CYSTM1: variants seen among roughly 807,000 people sequenced by gnomAD.
CYSTM1 encodes cysteine-rich transmembrane module-containing protein 1.
Under a neutral mutation model 13.1 loss-of-function variants are expected in CYSTM1, and 4 were observed. That is an observed-to-expected ratio of 0.31 (90% CI 0.15 to 0.70). CYSTM1 has a LOEUF of 0.70. CYSTM1 is among the 30% of genes least tolerant of loss of function. The pLI, the probability that CYSTM1 is intolerant of heterozygous loss-of-function variation, is 0.72. For synonymous variants in CYSTM1, 36 were observed against 42.7 expected (o/e 0.84, Z 0.62); for missense variants, 96 against 121.6 (o/e 0.79, Z 0.99).
chr5:140,225,984 G>A (rs905454272), intron 2 of CYSTM1, among the ~76,000 whole-genome samples: 1 of 152,162 alleles, frequency 6.6e-6, no homozygotes, highest in African/African-American at 2.4e-5. Context: ...TATTTCTGAG[G>A]CTTCTTCCCA....
At chr5:140,236,013 A>C (rs1378774913) in intron 2 of CYSTM1, among the ~76,000 whole-genome samples, 6 of 152,160 alleles carry the variant, frequency 3.9e-5, no homozygotes, top group Non-Finnish European at 7.4e-5. Flanking sequence ...GTTTGTTTCT[A>C]AGGCTTGTCT....
chr5:140,177,633 A>T (rs1304615481), intron 1 of CYSTM1, among the ~76,000 whole-genome samples: 1 of 152,210 alleles, frequency 6.6e-6, no homozygotes, highest in African/African-American at 2.4e-5. Context: ...CGGGACTTCC[A>T]GTCAGATCAG....
intron 2 of CYSTM1, among the ~76,000 whole-genome samples, chr5:140,210,074 C>A (rs768367548): frequency 3.3e-4 from 50 of 152,174 alleles, no homozygotes; most frequent in Non-Finnish European, 6.5e-4. Context: ...TAATAATGCT[C>A]ATAAAAATTT....
chr5:140,198,294 T>G (rs1581062261), intron 2 of CYSTM1, among the ~76,000 whole-genome samples: 1 of 130,538 alleles, frequency 7.7e-6, no homozygotes, highest in African/African-American at 2.5e-5. Context: ...AAAACAACAA[T>G]GATTTATTAT....
chr5:140,237,740 G>A (rs1340789961), intron 2 of CYSTM1, among the ~76,000 whole-genome samples: 5 of 152,148 alleles, frequency 3.3e-5, no homozygotes, highest in Admixed American at 2.6e-4. Context: ...GTGTTATTGG[G>A]TCTACTGTTC....
intron 2 of CYSTM1, among the ~76,000 whole-genome samples, chr5:140,217,222 G>T (rs1287228293): frequency 1.3e-5 from 2 of 152,132 alleles, no homozygotes; most frequent in African/African-American, 4.8e-5. Context: ...AGATTATATT[G>T]TGAGTTCTTA....
At chr5:140,207,785 G>A (rs1764315599) in intron 2 of CYSTM1, among the ~76,000 whole-genome samples, 1 of 152,116 alleles carries the variant, frequency 6.6e-6, no homozygotes, top group South Asian at 2.1e-4. Flanking sequence ...TCCTCTCTTG[G>A]CTTAGTATAG....
At chr5:140,229,699 A>T (rs534678912) in intron 2 of CYSTM1, among the ~76,000 whole-genome samples, 1 of 151,602 alleles carries the variant, frequency 6.6e-6, no homozygotes, top group African/African-American at 2.4e-5. Flanking sequence ...TTATTTATGT[A>T]TTTATTTATT....
chr5:140,224,747 G>A (rs1049170357), intron 2 of CYSTM1, among the ~76,000 whole-genome samples: 6 of 151,234 alleles, frequency 4.0e-5, no homozygotes, highest in African/African-American at 9.7e-5. Context: ...TCTTGAACTC[G>A]TTAATTCAAG....
chr5:140,229,654 A>C (rs1359831523), intron 2 of CYSTM1, among the ~76,000 whole-genome samples: 1 of 113,108 alleles, frequency 8.8e-6, no homozygotes, highest in Non-Finnish European at 1.9e-5. Flanking sequence ...TTTAAGATAT[A>C]GTCGTTAGTC....
At chr5:140,177,865 G>A (rs933274452) in intron 1 of CYSTM1, among the ~76,000 whole-genome samples, 3 of 152,116 alleles carry the variant, frequency 2.0e-5, no homozygotes, top group African/African-American at 7.2e-5. Flanking sequence ...TATTTGAAGT[G>A]GCCAACTAAT....
rs1764624967 is a variant in CYSTM1, at chr5:140,232,159, G to T, written c.188-11146G>T. ...GGTGCCTGGTGGTGGTGTTTACAGA[G>T]GTTGGGAACAAGAGAAAGGAATCAT... On this transcript the variant is annotated intron_variant, in intron 2 of 2. Transcript: ENST00000261811. Among the ~76,000 whole-genome samples, 5 of 152,192 alleles carry T rather than the reference G, an allele frequency of 3.3e-5. No individual in the cohort carries two copies. In the South Asian group the frequency reaches 1.0e-3, roughly 32 times the overall value.
chr5:140,196,816 AT>A (rs1209713683), intron 2 of CYSTM1, among the ~76,000 whole-genome samples: 1 of 152,254 alleles, frequency 6.6e-6, no homozygotes, highest in Non-Finnish European at 1.5e-5. Flanking sequence ...AAAACTATGT[AT>A]GATGCCAGAG....
intron 2 of CYSTM1, among the ~76,000 whole-genome samples, chr5:140,218,591 A>G (rs929895052): frequency 1.3e-5 from 2 of 152,148 alleles, no homozygotes; most frequent in Non-Finnish European, 2.9e-5. Context: ...GTTGGACCCT[A>G]GGGTGTCCCA....
chr5:140,213,506 T>A (rs1167948634), intron 2 of CYSTM1, among the ~76,000 whole-genome samples: 2 of 152,200 alleles, frequency 1.3e-5, no homozygotes, highest in African/African-American at 4.8e-5. Context: ...AAGTGTTCAG[T>A]ATATATGAAG....
Position 140,230,533 on chromosome 5 carries a change from T to C in CYSTM1, c.188-12772T>C, listed in dbSNP as rs990463499. Among the ~76,000 whole-genome samples, 2 of 152,182 alleles carry C rather than the reference T, an allele frequency of 1.3e-5. No homozygotes were observed. Among genetic ancestry groups the C allele is most frequent in the African/African-American group, 4.8e-5 (2 of 41,438 alleles). ...TACAATAATCTCTTCATGCTACCTC[T>C]TGGATCCCATGTGCAAATTCAGGGG... On this transcript the variant is annotated intron_variant, in intron 2 of 2. Coordinates refer to ENST00000261811, the MANE Select transcript of CYSTM1 (RefSeq NM_032412.4). This position sits in a 1 kb window ranked among gnomAD's most constrained non-coding sequence, Gnocchi z 4.1.
At chr5:140,181,783 G>A (rs1260447494) in intron 1 of CYSTM1, among the ~76,000 whole-genome samples, 2 of 152,238 alleles carry the variant, frequency 1.3e-5, no homozygotes, top group Admixed American at 6.5e-5. Context: ...GCCACTGCAA[G>A]ATAGCAGGAC....
intron 1 of CYSTM1, among the ~76,000 whole-genome samples, chr5:140,184,246 T>C (rs973962288): frequency 1.3e-5 from 2 of 152,240 alleles, no homozygotes; most frequent in Non-Finnish European, 2.9e-5. Context: ...TGCTTTTTCA[T>C]ATCAGCACAG....
At chr5:140,190,949 C>T (rs879386370) in intron 1 of CYSTM1, among the ~76,000 whole-genome samples, 8 of 152,216 alleles carry the variant, frequency 5.3e-5, no homozygotes, top group African/African-American at 4.8e-5. Flanking sequence ...AGTCATGTTA[C>T]AAAGTTCAGT....
Sources: allele counts gnomAD v4.1 joint callset (sites outside exome capture counted in the v4.1 genomes callset), GRCh38; gene constraint gnomAD v4.1.1; non-coding constraint Gnocchi (gnomAD v3.1); transcripts MANE v1.5; gene names NCBI Gene and HGNC (gene_info 2026-07-23, HGNC 2026-07-21).